Variants in CRB2 observed in about 807,000 individuals in gnomAD.
The protein encoded by CRB2 is protein crumbs homolog 2.
Under a neutral mutation model 110.9 loss-of-function variants are expected in CRB2, and 85 were observed. The ratio of observed to expected loss-of-function variants is 0.77; its 90% CI spans 0.64 to 0.92. The LOEUF (loss-of-function observed/expected upper bound fraction) is 0.92. Among genes scored for constraint, CRB2 ranks in the 40% least tolerant of loss-of-function variants. The probability of loss-of-function intolerance (pLI) is 0.00; values close to 1 mark genes in which losing one functional copy is unlikely to be tolerated. For synonymous variants in CRB2, 907 were observed against 831.0 expected (o/e 1.09, Z -1.57); for missense variants, 1,843 against 1,851.3 (o/e 1.00, Z 0.08).
In CRB2 at chr9:123,377,283, G is replaced by A; in HGVS notation, c.*221G>A. On this transcript the variant is annotated 3_prime_UTR_variant, in exon 13 of 13. Coordinates refer to ENST00000373631, the MANE Select transcript of CRB2 (RefSeq NM_173689.7). ...GCGGACTTCTCCATCCCACCCTCGG[G>A]GTTCCGCCTTGGCAGGTGTACGGCT... The A allele has an allele frequency of 3.6e-6, 2 of 561,524 alleles. No individual in the cohort carries two copies. The highest frequency in any genetic ancestry group is 4.8e-5 in the South Asian group (2 of 41,266). 34.8% of individuals were successfully genotyped at this position (561,524 alleles called of 1,614,324 possible). A position where few individuals can be genotyped will look rare whatever the true frequency, so the allele number is the denominator to read the frequency against.
Position 123,370,171 on chromosome 9 carries a change from G to C in CRB2, c.1118G>C (p.Cys373Ser). Residue 373 changes from cysteine to serine, a missense_variant, in exon 7 of 13, where the codon TGC becomes TCC. Transcript: ENST00000373631. Reference protein sequence around the residue: ...LSDPCLHGGTCSDTVAGYICR... With the variant: ...LSDPCLHGGTSSDTVAGYICR... ...GATCCCTGCCTGCACGGCGGAACCT[G>C]CAGTGACACTGTGGCAGGCTATATC... is the stretch of plus-strand genomic sequence containing the variant. The C allele has an allele frequency of 6.2e-7, 1 of 1,611,620 alleles. No homozygotes were observed. The highest frequency in any genetic ancestry group is 8.5e-7 in the Non-Finnish European group (1 of 1,178,798).
In CRB2 at chr9:123,367,362, GC is replaced by G. The variant is rs2041948763; in HGVS notation, c.940+9del. 6.3e-7 allele frequency: 1 copy of G among 1,597,548 alleles called. No homozygotes were observed. The highest frequency in any genetic ancestry group is 8.5e-7 in the Non-Finnish European group (1 of 1,178,810). On this transcript the variant is annotated splice_donor_region_variant and intron_variant, in intron 5 of 12. Coordinates refer to ENST00000373631, the MANE Select transcript of CRB2 (RefSeq NM_173689.7). ...ACTGCCCTCCTGGCTTTGAGGGTGA[GC>G]CCCTGCTGGGGAAGCGGTCAGCCCA...
At position 123,369,210 on chromosome 9, in the gene CRB2, G is replaced by A. The variant is rs1428987149; in HGVS notation, c.1055-898G>A. 2.0e-5 allele frequency among the ~76,000 whole-genome samples: 3 copies of A among 152,214 alleles called. No individual in the cohort carries two copies. In the East Asian group the frequency reaches 5.8e-4, roughly 29 times the overall value. ...TCACAGCCAGTGTGGGGGCCCTGGG[G>A]CAGAGGGACTGAGGGGTTAGAGCCT... On this transcript the variant is annotated intron_variant, in intron 6 of 12. Transcript: ENST00000373631.
At chr9:123,368,014 G>C (rs957956004) in intron 6 of CRB2, among the ~76,000 whole-genome samples, 4 of 152,094 alleles carry the variant, frequency 2.6e-5, no homozygotes, top group African/African-American at 9.7e-5. Context: ...TTAGGGGGCA[G>C]CATCTGTAGA....
At position 123,373,446 on chromosome 9, in the gene CRB2, G is replaced by T. The variant is rs749257715; in HGVS notation, c.2915G>T (p.Arg972Leu). The T allele has an allele frequency of 6.9e-7, 1 of 1,451,398 alleles. No individual in the cohort carries two copies. Among genetic ancestry groups the T allele is most frequent in the Non-Finnish European group, 9.0e-7 (1 of 1,108,602 alleles). 89.9% of individuals were successfully genotyped at this position (1,451,398 alleles called of 1,614,324 possible). The change falls in exon 10 of 13, where the codon CGC (arginine) becomes CTC (leucine). Residue 972 changes from arginine (R) to leucine (L), a missense_variant. Physicochemically the swap from Arg to Leu is moderately radical, Grantham distance 102. Transcript: ENST00000373631. The part of the protein sequence containing the change: ...AMERPAATTS[R>L]WLLWLDGAAT... Reference sequence around the variant, plus strand: ...GAGCGCCCGGCGGCCACCACCTCGCGCTGGCTGCTGTGGCTGGATGGTGCC... The same window carrying T: ...GAGCGCCCGGCGGCCACCACCTCGCTCTGGCTGCTGTGGCTGGATGGTGCC...
rs1373031386 is a variant in CRB2 at position 123,373,565 on chromosome 9, G to A, written c.3034G>A (p.Gly1012Ser). Reference sequence around the variant, plus strand: ...CATCCTGCTGGCTGAGAACTTCACCGGCTGCTTGGGCCGCGTGGCGCTGGG... The same window carrying A: ...CATCCTGCTGGCTGAGAACTTCACCAGCTGCTTGGGCCGCGTGGCGCTGGG... ...VRILLAENFTGCLGRVALGGL... is the reference protein window; with the variant it reads ...VRILLAENFTSCLGRVALGGL... The change falls in exon 10 of 13, where the codon GGC becomes AGC. Residue 1012 changes from glycine (G) to serine (S), a missense_variant. By Grantham distance (56) the Gly-to-Ser change is moderately conservative (BLOSUM62 0). Coordinates refer to ENST00000373631, the MANE Select transcript of CRB2 (RefSeq NM_173689.7). The A allele has an allele frequency of 6.8e-7, 1 of 1,468,304 alleles. No homozygotes were observed. The highest frequency in any genetic ancestry group is 9.0e-7 in the Non-Finnish European group (1 of 1,113,166). The allele number at this position is 1,468,304 out of a possible 1,614,324, so 91.0% of individuals were successfully genotyped here. A position where few individuals can be genotyped will look rare whatever the true frequency, so the allele number is the denominator to read the frequency against.
intron 6 of CRB2, 27 bp from the exon 7 acceptor site, chr9:123,370,081 T>G (rs1564373675): frequency 6.4e-7 from 1 of 1,560,016 alleles, no homozygotes; most frequent in African/African-American, 1.4e-5. Context: ...CAGACATTAC[T>G]GAACCTTGGC....
rs775348629 is a variant in CRB2, at chr9:123,365,978, G to T, written c.480G>T (p.Ser160=). Residue 160 remains serine, a synonymous_variant, in exon 3 of 13, where the codon TCG becomes TCT. Coordinates refer to ENST00000373631, the MANE Select transcript of CRB2 (RefSeq NM_173689.7). ...CAGCGCCCTGCCTGCACGGGGGCTC[G>T]TGCCTGGACGGCGTGGGCTCCTTCC... is the stretch of plus-strand genomic sequence containing the variant. ...CASAPCLHGG[S]CLDGVGSFRC... 1 of 1,597,394 alleles carries T rather than the reference G, an allele frequency of 6.3e-7. No individual in the cohort carries two copies. The highest frequency in any genetic ancestry group is 8.5e-7 in the Non-Finnish European group (1 of 1,179,054).
intron 2 of CRB2, among the ~76,000 whole-genome samples, chr9:123,364,423 C>T (rs983665365): frequency 1.9e-4 from 17 of 89,468 alleles, no homozygotes; most frequent in Middle Eastern, 5.6e-3. Flanking sequence ...GGTGACTCTT[C>T]CTGGGTAAGC....
chr9:123,356,455 C>A, intron 1 of CRB2, 101 bp downstream of exon 1: 1 of 918,714 alleles, frequency 1.1e-6, no homozygotes, highest in Non-Finnish European at 1.6e-6. Flanking sequence ...GGCTGGTCCG[C>A]GTGGGTGCAG....
In CRB2 at chr9:123,368,214, G is replaced by A. The variant is rs1304195141; in HGVS notation, c.1054+528G>A. ...TGCGACACCTCCCTCACACCCGCCC[G>A]CATTCCTGCTGGGGCACACTGCCTC... On this transcript the variant is annotated intron_variant, in intron 6 of 12. Coordinates refer to ENST00000373631, the MANE Select transcript of CRB2 (RefSeq NM_173689.7). Among the ~76,000 whole-genome samples the A allele has an allele frequency of 2.0e-5, 3 of 152,086 alleles. 1 individual carries two copies. Among genetic ancestry groups the A allele is most frequent in the South Asian group, 4.1e-4 (2 of 4,830 alleles).
chr9:123,372,059 T>G (rs1167677533), intron 8 of CRB2, 118 bp from the exon 9 acceptor site: 5 of 1,005,304 alleles, frequency 5.0e-6, no homozygotes, highest in African/African-American at 4.8e-5. Flanking sequence ...TCTCCCCTCG[T>G]TTGTGAGGAG....
intron 1 of CRB2, among the ~76,000 whole-genome samples, chr9:123,359,804 TG>T (rs1480742432): frequency 6.6e-6 from 1 of 152,114 alleles, no homozygotes; most frequent in African/African-American, 2.4e-5. Context: ...CCATTCTAAG[TG>T]CATGAAAAGT....
At position 123,375,350 on chromosome 9, in the gene CRB2, G is replaced by A. The variant is rs1171585940; in HGVS notation, c.3633+7G>A. 6.3e-7 allele frequency: 1 copy of A among 1,576,896 alleles called. No individual in the cohort carries two copies. The highest frequency in any genetic ancestry group is 2.3e-5 in the East Asian group (1 of 44,274). ...CCAGTTCTGTGAAGTGGCGGTGAGT[G>A]TTGTCAGGGGTGAGGGGCCGTGGAC... On this transcript the variant is annotated splice_region_variant and intron_variant, in intron 12 of 12. Transcript: ENST00000373631.
At chr9:123,358,178 C>T (rs1344536711) in intron 1 of CRB2, among the ~76,000 whole-genome samples, 2 of 152,218 alleles carry the variant, frequency 1.3e-5, no homozygotes, top group Non-Finnish European at 2.9e-5. Context: ...CAATTTCCAT[C>T]CTGGAGGGGA....
Position 123,376,847 on chromosome 9 carries a change from C to T in CRB2, c.3643C>T (p.Pro1215Ser), listed in dbSNP as rs1251493879. The change falls in exon 13 of 13, where the codon CCC becomes TCC. Residue 1215 changes from proline (P) to serine (S), a missense_variant. Physicochemically the swap from Pro to Ser is moderately conservative, Grantham distance 74 (BLOSUM62 -1). Transcript: ENST00000373631. ...GTCGTGTCTCTTGCAGAAGGGCCTGCCCCTGCCGCTGCCATTCCCACTGCT... is the reference window on the plus strand; with the variant it reads ...GTCGTGTCTCTTGCAGAAGGGCCTGTCCCTGCCGCTGCCATTCCCACTGCT... ...GQFCEVAKGL[P>S]LPLPFPLLEV... The T allele has an allele frequency of 1.2e-6, 2 of 1,607,196 alleles. No individual in the cohort carries two copies. The highest frequency in any genetic ancestry group is 3.4e-5 in the Admixed American group (2 of 59,372).
chr9:123,363,344 A>G, intron 2 of CRB2, among the ~76,000 whole-genome samples, 156 bp downstream of exon 2: 1 of 152,182 alleles, frequency 6.6e-6, no homozygotes, highest in Non-Finnish European at 1.5e-5. Flanking sequence ...TGACTACAGA[A>G]CTGATGCCTG....
rs370059953 is a variant in CRB2 at position 123,370,654 on chromosome 9, G to T, written c.1601G>T (p.Arg534Leu). 12 of 1,608,200 alleles carry T rather than the reference G, an allele frequency of 7.5e-6. No individual in the cohort carries two copies. Among genetic ancestry groups the T allele is most frequent in the Admixed American group, 3.3e-5 (2 of 60,004 alleles). ...CTCCATCTAGCGACCCTGGAGCTAC[G>T]GCTCTGGCATGAGGGCTGCCCTGCC... ...VVLHLATLELRLWHEGCPARL... is the reference protein window; with the variant it reads ...VVLHLATLELLLWHEGCPARL... Residue 534 changes from arginine to leucine, a missense_variant, in exon 7 of 13, where the codon CGG (arginine) becomes CTG (leucine). Coordinates refer to ENST00000373631, the MANE Select transcript of CRB2 (RefSeq NM_173689.7).
Position 123,371,293 on chromosome 9 carries a change from C to A in CRB2, c.2151C>A (p.Leu717=). 1 of 1,613,310 alleles carries A rather than the reference C, an allele frequency of 6.2e-7. No homozygotes were observed. ...AEVPGSPAVV[L]PGRWDDGLRH... ...TGCCGGGCAGTCCTGCTGTAGTGCT[C>A]CCTGGGCGCTGGGATGATGGGCTCC... The change falls in exon 8 of 13, where the codon CTC becomes CTA. Residue 717 remains leucine (L), a synonymous_variant. Transcript: ENST00000373631.
Sources: gnomAD v4.1 joint callset for allele counts (sites outside exome capture counted in the v4.1 genomes callset) on GRCh38, gnomAD v4.1.1 for gene constraint, MANE v1.5 for transcripts, NCBI Gene and HGNC (gene_info 2026-07-23, HGNC 2026-07-21) for gene names.